Variants in SLC48A1 observed in about 807,000 individuals in gnomAD.
SLC48A1 encodes the protein solute carrier family 48 member 1, also known as heme transporter HRG1.
SLC48A1 carries 6 observed loss-of-function variants against 14.8 expected under a neutral mutation model. That is an observed-to-expected ratio of 0.41 (90% CI 0.22 to 0.80). The LOEUF (loss-of-function observed/expected upper bound fraction) is 0.80, where lower values mean the gene tolerates loss of function less well. SLC48A1 is among the 30% of genes least tolerant of loss of function. The pLI is 0.34. For missense variants in SLC48A1, 165 were observed against 204.8 expected, an observed-to-expected ratio of 0.81 and a Z score of 1.19; for synonymous variants, 89 against 90.0, an observed-to-expected ratio of 0.99 and a Z score of 0.06.
At chr12:47,763,644 G>T (rs529467483) in intron 2 of SLC48A1, among the ~76,000 whole-genome samples, 1 of 152,220 alleles carries the variant, frequency 6.6e-6, no homozygotes, top group Non-Finnish European at 1.5e-5. Context: ...CATTCCTGGG[G>T]TGGGGGGCAG....
chr12:47,773,385 CGTCTGGACGGTG>C lies in SLC48A1; in HGVS notation c.86_97del (p.Trp29_Val32del). On this transcript the variant is annotated inframe_deletion, in exon 1 of 3. Coordinates refer to ENST00000442218, the MANE Select transcript of SLC48A1 (RefSeq NM_017842.3). ...CCGTGGCCGGCTTCTCCATCTTCCT[CGTCTGGACGGTG>C]GTCTACCGACAGCCGGGGACCGCGG... 6.8e-7 allele frequency: 1 copy of C among 1,477,036 alleles called. No individual in the cohort carries two copies. Among genetic ancestry groups the C allele is most frequent in the Non-Finnish European group, 9.0e-7 (1 of 1,112,710 alleles). The allele number at this position is 1,477,036 out of a possible 1,614,324, so 91.5% of individuals were successfully genotyped here.
rs963795602 is a variant in SLC48A1 at position 47,781,972 on chromosome 12, G to A, written c.*1691G>A. The A allele has an allele frequency of 1.3e-5, 2 of 152,406 alleles. No individual in the cohort carries two copies. The highest frequency in any genetic ancestry group is 6.5e-5 in the Admixed American group (1 of 15,290). The allele number at this position is 152,406 out of a possible 1,614,324, so 9.4% of individuals were successfully genotyped here. ...CGGGCATAGCTACAGCAACCCCTGC[G>A]GGATTTGGTGTCCACACCCGAGAGG... On this transcript the variant is annotated 3_prime_UTR_variant, in exon 3 of 3. Transcript: ENST00000442218.
In SLC48A1 at chr12:47,773,723, G is replaced by T. The variant is rs368877321; in HGVS notation, c.136+283G>T. On this transcript the variant is annotated intron_variant, in intron 1 of 2. Transcript: ENST00000442218. The stretch of plus-strand genomic sequence containing the variant: ...CCGCGCCGCCCGGGTTATCTGTCAC[G>T]GCACACTGCCTGTCGCCCTCCGCCC... Among the ~76,000 whole-genome samples, 14 of 152,296 alleles carry T rather than the reference G, an allele frequency of 9.2e-5. No homozygotes were observed. The East Asian group carries it at 1.5e-3, about 17-fold the overall frequency.
At chr12:47,771,390 T>C (rs1433670582), upstream of SLC48A1, among the ~76,000 whole-genome samples, 1 of 152,136 alleles carries the variant, frequency 6.6e-6, no homozygotes, top group Non-Finnish European at 1.5e-5. Context: ...TCCCTGCTCA[T>C]GAAGTTTATG....
rs1942897496 is a variant in SLC48A1 at position 47,782,119 on chromosome 12, C to G, written c.*1838C>G. On this transcript the variant is annotated 3_prime_UTR_variant, in exon 3 of 3. Coordinates refer to ENST00000442218, the MANE Select transcript of SLC48A1 (RefSeq NM_017842.3). ...TCCTGCTGGAAAAACCGGACAGACT[C>G]AGAACCACAAAGGCAGGTGCTGCCA... The G allele has an allele frequency of 1.3e-5, 2 of 152,474 alleles. No individual in the cohort carries two copies. Among genetic ancestry groups the G allele is most frequent in the African/African-American group, 2.4e-5 (1 of 41,586 alleles). The allele number at this position is 152,474 out of a possible 1,614,324, so 9.4% of individuals were successfully genotyped here. A position where few individuals can be genotyped will look rare whatever the true frequency, so the allele number is the denominator to read the frequency against.
chr12:47,765,043 C>T (rs1942483065), intron 2 of SLC48A1, among the ~76,000 whole-genome samples: 1 of 122,062 alleles, frequency 8.2e-6, no homozygotes, highest in South Asian at 2.7e-4. Context: ...CACCACTGCA[C>T]TCCAGCCTGG....
At chr12:47,758,240 T>A (rs1033380474), upstream of SLC48A1, 30 of 1,433,458 alleles carry the variant, frequency 2.1e-5, no homozygotes, top group East Asian at 7.5e-4. Flanking sequence ...CAGGAAGACC[T>A]TCACTGGGGC....
chr12:47,770,974 G>A (rs575804044), upstream of SLC48A1: 22 of 455,592 alleles, frequency 4.8e-5, no homozygotes, highest in African/African-American at 1.4e-4. Context: ...AATGCACTCC[G>A]GACCACGGGG....
upstream of SLC48A1, chr12:47,756,066 A>G (rs1942033419): frequency 6.6e-6 from 1 of 152,018 alleles, no homozygotes; most frequent in Admixed American, 6.6e-5. Flanking sequence ...CTAGTCACCA[A>G]CGCCCACCTG....
At chr12:47,763,961 A>G (rs1387250662) in intron 2 of SLC48A1, among the ~76,000 whole-genome samples, 2 of 152,180 alleles carry the variant, frequency 1.3e-5, no homozygotes, top group Non-Finnish European at 2.9e-5. Flanking sequence ...TGAGGTGGTG[A>G]TGCTGGGCTG....
chr12:47,758,426 T>G (rs1942234533), upstream of SLC48A1: 2 of 1,557,442 alleles, frequency 1.3e-6, no homozygotes, highest in Non-Finnish European at 1.7e-6. Flanking sequence ...AGCTTCGGCT[T>G]AAACCCTTCT....
At chr12:47,765,076 CAAAAAAAAAAAAAAAAAAAAAAAAA>C (rs750174911) in intron 2 of SLC48A1, among the ~76,000 whole-genome samples, 2 of 38,188 alleles carry the variant, frequency 5.2e-5, no homozygotes, top group African/African-American at 1.4e-4. Flanking sequence ...GACTCTGTCT[CAAAAAAAAAAAAAAAAAAAAAAAAA>C]AAAAAAAAAA....
chr12:47,770,991 CCCT>C (rs1451793053), upstream of SLC48A1: 2 of 452,714 alleles, frequency 4.4e-6, no homozygotes, highest in African/African-American at 4.0e-5. Flanking sequence ...GGGGCTTGCT[CCCT>C]CCTCCACAGG....
In SLC48A1 at chr12:47,773,279, C is replaced by G. The variant is rs1011560754; in HGVS notation, c.-26C>G. On this transcript the variant is annotated 5_prime_UTR_variant, in exon 1 of 3. Coordinates refer to ENST00000442218, the MANE Select transcript of SLC48A1 (RefSeq NM_017842.3). ...CCTGTGACTCTCGGCCGCGCTCGCC[C>G]TCGGCCCGCCCGGCGCCGCAGCCCC... The G allele has an allele frequency of 7.2e-7, 1 of 1,392,500 alleles. No homozygotes were observed. Among genetic ancestry groups the G allele is most frequent in the Non-Finnish European group, 9.4e-7 (1 of 1,068,978 alleles). 86.3% of individuals were successfully genotyped at this position (1,392,500 alleles called of 1,614,324 possible).
At position 47,773,239 on chromosome 12, in the gene SLC48A1, G is replaced by C. The variant is rs1169361989; in HGVS notation, c.-66G>C. 1.7e-6 allele frequency: 2 copies of C among 1,165,140 alleles called. No homozygotes were observed. Among genetic ancestry groups the C allele is most frequent in the East Asian group, 8.0e-5 (2 of 25,134 alleles). 72.2% of individuals were successfully genotyped at this position (1,165,140 alleles called of 1,614,324 possible). A position where few individuals can be genotyped will look rare whatever the true frequency, so the allele number is the denominator to read the frequency against. Reference sequence around the variant, plus strand: ...GCGGCTCCCGCGGCTCCGGCTGGCGGCTTCGGGCCCTGCACCTGTGACTCT... The same window carrying C: ...GCGGCTCCCGCGGCTCCGGCTGGCGCCTTCGGGCCCTGCACCTGTGACTCT... On this transcript the variant is annotated 5_prime_UTR_variant, in exon 1 of 3. Coordinates refer to ENST00000442218, the MANE Select transcript of SLC48A1 (RefSeq NM_017842.3).
intron 1 of SLC48A1, chr12:47,778,773 A>C (rs941842740): frequency 9.3e-6 from 4 of 429,328 alleles, no homozygotes; most frequent in African/African-American, 7.9e-5. Flanking sequence ...CATGTTTTCC[A>C]AAACAAAATA....
exon 1 of SLC48A1, chr12:47,758,645 C>T (rs1392986999): frequency 1.3e-5 from 20 of 1,593,380 alleles, no homozygotes; most frequent in Non-Finnish European, 1.7e-5. Flanking sequence ...TAAGGGGATC[C>T]GGAGGGTGCC....
At chr12:47,758,747 TC>T in intron 1 of SLC48A1, 1 of 1,242,764 alleles carries the variant, frequency 8.0e-7, no homozygotes, top group Non-Finnish European at 1.0e-6. Context: ...GAGAGGCTCC[TC>T]TTGGGTGAGT....
Position 47,781,146 on chromosome 12 carries a change from G to A in SLC48A1, c.*865G>A, listed in dbSNP as rs868232821. 1.3e-5 allele frequency: 4 copies of A among 319,398 alleles called. No homozygotes were observed. The highest frequency in any genetic ancestry group is 4.5e-5 in the African/African-American group (2 of 44,820). The allele number at this position is 319,398 out of a possible 1,614,324, so 19.8% of individuals were successfully genotyped here. A position where few individuals can be genotyped will look rare whatever the true frequency, so the allele number is the denominator to read the frequency against. On this transcript the variant is annotated 3_prime_UTR_variant, in exon 3 of 3. Coordinates refer to ENST00000442218, the MANE Select transcript of SLC48A1 (RefSeq NM_017842.3). ...ATGAGTGTGCTAGAGCCAGATAGCC[G>A]TGGCCCCCCACCCATCTCACTCACA... is the stretch of plus-strand genomic sequence containing the variant.
Sources: allele counts gnomAD v4.1 joint callset (sites outside exome capture counted in the v4.1 genomes callset), GRCh38; gene constraint gnomAD v4.1.1; transcripts MANE v1.5; gene names NCBI Gene and HGNC (gene_info 2026-07-23, HGNC 2026-07-21).